CAGE1: variants seen among roughly 807,000 people sequenced by gnomAD.
CAGE1 encodes the protein cancer antigen 1.
A neutral mutation model predicts 94.9 loss-of-function variants in CAGE1; 66 were observed. That is an observed-to-expected ratio of 0.70 (90% CI 0.57 to 0.85). CAGE1 has a LOEUF of 0.85. Among genes scored for constraint, CAGE1 ranks in the 40% least tolerant of loss-of-function variants. The pLI is 0.00. For missense variants in CAGE1, 865 were observed against 950.4 expected (o/e 0.91, Z 1.18); for synonymous variants, 319 against 321.0 (o/e 0.99, Z 0.07).
intron 11 of CAGE1, among the ~76,000 whole-genome samples, chr6:7,346,366 GC>G (rs1759535607): frequency 6.6e-6 from 1 of 151,638 alleles, no homozygotes; most frequent in African/African-American, 2.4e-5. Flanking sequence ...ACCAGCCTGG[GC>G]AACACAGCAA....
intron 1 of CAGE1, among the ~76,000 whole-genome samples, chr6:7,387,789 G>T (rs1040282735): frequency 3.4e-4 from 52 of 151,228 alleles, no homozygotes; most frequent in Non-Finnish European, 6.2e-4. Context: ...GGAGGCCGAC[G>T]CGGGCGGATC....
chr6:7,334,967 G>A (rs140286018), intron 11 of CAGE1, among the ~76,000 whole-genome samples: 10 of 152,122 alleles, frequency 6.6e-5, no homozygotes, highest in Middle Eastern at 3.4e-3. Flanking sequence ...AAGCTTCACC[G>A]GCCTGAAATC....
In CAGE1 at chr6:7,339,099, A is replaced by G. The variant is rs192059468; in HGVS notation, c.2370-5009T>C. On this transcript the variant is annotated intron_variant, in intron 11 of 13. Coordinates refer to ENST00000502583, the MANE Select transcript of CAGE1 (RefSeq NM_001170692.2). This position sits in a 1 kb window ranked among gnomAD's most constrained non-coding sequence, Gnocchi z 4.7. ...GTTAACAGGGTCTCTGCTGTGGATCATCAGGCCGTCCACAAACTTCATGGA... is the reference window on the plus strand; with the variant it reads ...GTTAACAGGGTCTCTGCTGTGGATCGTCAGGCCGTCCACAAACTTCATGGA... 235 of 1,591,674 alleles carry G rather than the reference A, an allele frequency of 1.5e-4. 3 individuals carry two copies. In the East Asian group the frequency reaches 5.1e-3, roughly 34 times the overall value.
In CAGE1 at chr6:7,385,824, A is replaced by C; in HGVS notation, c.244T>G (p.Cys82Gly). 1 of 1,545,230 alleles carries C rather than the reference A, an allele frequency of 6.5e-7. No individual in the cohort carries two copies. ...TCTAGTGTGCCATAAGCATCTTCAC[A>C]AAGTGTGGATTCATACTCATTTTCC... ...ERENEYESTLCEDAYGTLDNL... is the reference protein window; with the variant it reads ...ERENEYESTLGEDAYGTLDNL... The change falls in exon 3 of 14, where the codon TGT (cysteine) becomes GGT (glycine). Residue 82 changes from cysteine (C) to glycine (G), a missense_variant. Coordinates refer to ENST00000502583, the MANE Select transcript of CAGE1 (RefSeq NM_001170692.2).
intron 5 of CAGE1, among the ~76,000 whole-genome samples, chr6:7,371,083 G>C (rs10901004): frequency 6.6e-6 from 1 of 151,908 alleles, no homozygotes. Context: ...ATCATGATTT[G>C]CTTAGGAGCT....
At chr6:7,337,344 AAAG>A in intron 11 of CAGE1, among the ~76,000 whole-genome samples, 2 of 151,804 alleles carry the variant, frequency 1.3e-5, no homozygotes, top group East Asian at 1.9e-4. Context: ...AAAAAAAAAA[AAAG>A]AAGAGCAGTT....
intron 11 of CAGE1, among the ~76,000 whole-genome samples, chr6:7,349,909 C>A (rs1367546749): frequency 7.3e-6 from 1 of 137,232 alleles, no homozygotes; most frequent in Admixed American, 8.1e-5. Flanking sequence ...CCAGCCTGGG[C>A]GACAAGAGTG....
chr6:7,361,160 G>GA (rs1200167310), intron 9 of CAGE1, among the ~76,000 whole-genome samples: 2 of 152,096 alleles, frequency 1.3e-5, no homozygotes, highest in Non-Finnish European at 2.9e-5. Flanking sequence ...TTCATGTGAT[G>GA]AAAATATACC....
At chr6:7,343,872 G>A (rs548677835) in intron 11 of CAGE1, among the ~76,000 whole-genome samples, 2 of 152,248 alleles carry the variant, frequency 1.3e-5, no homozygotes, top group South Asian at 2.1e-4. Context: ...TGATTGTGAT[G>A]GGGACAAAGA....
intron 9 of CAGE1, among the ~76,000 whole-genome samples, chr6:7,360,553 T>C (rs1760131987): frequency 6.6e-6 from 1 of 152,202 alleles, no homozygotes; most frequent in African/African-American, 2.4e-5. Flanking sequence ...TCAGGCATCA[T>C]TATTAATAGC....
intron 11 of CAGE1, among the ~76,000 whole-genome samples, chr6:7,351,392 C>G (rs971582046): frequency 1.3e-5 from 2 of 152,114 alleles, no homozygotes; most frequent in African/African-American, 4.8e-5. Flanking sequence ...GGTAGCAATC[C>G]TTTTGGCACT....
At chr6:7,372,450 G>A (rs942256288) in intron 5 of CAGE1, among the ~76,000 whole-genome samples, 22 of 137,536 alleles carry the variant, frequency 1.6e-4, no homozygotes, top group African/African-American at 4.1e-4. Context: ...CAGCCTGGGC[G>A]ACAGAGCAAT....
intron 3 of CAGE1, among the ~76,000 whole-genome samples, chr6:7,379,790 G>T (rs913863517): frequency 1.3e-5 from 2 of 152,014 alleles, no homozygotes; most frequent in African/African-American, 4.8e-5. Flanking sequence ...AAAGAATAAA[G>T]TTCCCAGATT....
intron 7 of CAGE1, among the ~76,000 whole-genome samples, chr6:7,366,816 A>G (rs1258076651): frequency 6.6e-6 from 1 of 151,376 alleles, no homozygotes; most frequent in African/African-American, 2.4e-5. Context: ...CTAATCATCA[A>G]ACCTGGGGGT....
chr6:7,334,273 G>GT (rs1053059599), intron 11 of CAGE1, among the ~76,000 whole-genome samples, 183 bp from the exon 12 acceptor site: 3 of 152,168 alleles, frequency 2.0e-5, no homozygotes, highest in African/African-American at 4.8e-5. Context: ...TATTCTATCA[G>GT]TTTTTCCCTT....
intron 5 of CAGE1, among the ~76,000 whole-genome samples, chr6:7,370,390 C>T (rs1760498660): frequency 6.6e-6 from 1 of 152,070 alleles, no homozygotes. Context: ...AATGCCTAGG[C>T]TCACACAATC....
intron 13 of CAGE1, among the ~76,000 whole-genome samples, chr6:7,329,519 A>G (rs1169542089): frequency 1.3e-5 from 2 of 152,154 alleles, no homozygotes; most frequent in Non-Finnish European, 2.9e-5. Flanking sequence ...CACTCTGTCT[A>G]CTCTATGGAG....
intron 4 of CAGE1, among the ~76,000 whole-genome samples, chr6:7,376,026 G>A (rs1439467210): frequency 2.0e-5 from 3 of 152,118 alleles, no homozygotes; most frequent in Admixed American, 6.5e-5. Context: ...CCTAGTAAGA[G>A]GTGAATAAAA....
chr6:7,351,530 A>AAAAAT lies in CAGE1; in HGVS notation c.2369+3506_2369+3510dup, dbSNP rs60549717. On this transcript the variant is annotated intron_variant, in intron 11 of 13. Transcript: ENST00000502583. ...ACTACCCTAAAACTTAAAGTATAAT[A>AAAAAT]AAAATAAAATAAAATAAAATAAGAT... is the stretch of plus-strand genomic sequence containing the variant. Among the ~76,000 whole-genome samples the AAAAAT allele has an allele frequency of 3.0e-3, 415 of 139,854 alleles. 3 individuals carry two copies. Among genetic ancestry groups the AAAAAT allele is most frequent in the African/African-American group, 0.01 (377 of 36,784 alleles). 91.7% of individuals were successfully genotyped at this position (139,854 alleles called of 152,430 possible).
Sources: allele counts gnomAD v4.1 joint callset (sites outside exome capture counted in the v4.1 genomes callset), GRCh38; gene constraint gnomAD v4.1.1; non-coding constraint Gnocchi (gnomAD v3.1); transcripts MANE v1.5; gene names NCBI Gene and HGNC (gene_info 2026-07-23, HGNC 2026-07-21).